The following VGLL4 variants were observed in gnomAD, a reference collection of about 807,000 sequenced individuals.
VGLL4 encodes the protein transcription cofactor vestigial-like protein 4.
Under a neutral mutation model 21.0 loss-of-function variants are expected in VGLL4, and 7 were observed. The observed-to-expected ratio is 0.33, with a 90% CI of 0.19 to 0.63. The LOEUF (loss-of-function observed/expected upper bound fraction) is 0.63. Ranked by LOEUF, VGLL4 falls within the 20% of genes least tolerant of loss-of-function variation. The pLI is 0.78. For missense variants in VGLL4, 394 were observed against 425.7 expected, an observed-to-expected ratio of 0.93 and a Z score of 0.66; for synonymous variants, 222 against 173.2, an observed-to-expected ratio of 1.28 and a Z score of -2.21.
intron 2 of VGLL4, among the ~76,000 whole-genome samples, chr3:11,674,284 C>T (rs1559937922): frequency 6.6e-6 from 1 of 152,132 alleles, no homozygotes; most frequent in Non-Finnish European, 1.5e-5. Flanking sequence ...TGAGACACAG[C>T]ACATGGGAGA....
intron 1 of VGLL4, among the ~76,000 whole-genome samples, chr3:11,623,859 A>G (rs893709731): frequency 6.7e-6 from 1 of 148,870 alleles, no homozygotes; most frequent in African/African-American, 2.5e-5. Context: ...TCCCACCTCA[A>G]CCTCCCGAGC....
At chr3:11,608,185 G>C (rs984725403) in intron 1 of VGLL4, among the ~76,000 whole-genome samples, 1 of 152,104 alleles carries the variant, frequency 6.6e-6, no homozygotes, top group Admixed American at 6.5e-5. Flanking sequence ...GAGTAACCCC[G>C]TATTTTAAGC....
At chr3:11,701,193 ACGGTGATGAGTGAGTTCTC>A (rs1360187239) in intron 2 of VGLL4, among the ~76,000 whole-genome samples, 1 of 152,116 alleles carries the variant, frequency 6.6e-6, no homozygotes, top group African/African-American at 2.4e-5. Flanking sequence ...CATGAATGGC[ACGGTGATGAGTGAGTTCTC>A]ACTCTACTAG....
chr3:11,614,571 C>A (rs577766406), intron 1 of VGLL4, among the ~76,000 whole-genome samples: 2 of 152,354 alleles, frequency 1.3e-5, no homozygotes, highest in African/African-American at 2.4e-5. Context: ...GTAGCTGGGA[C>A]GAGACACATT....
At chr3:11,682,166 G>T (rs777111961) in intron 2 of VGLL4, among the ~76,000 whole-genome samples, 1 of 152,126 alleles carries the variant, frequency 6.6e-6, no homozygotes, top group Non-Finnish European at 1.5e-5. Context: ...CACTTTGGGA[G>T]GCTGAGGCAG....
intron 1 of VGLL4, among the ~76,000 whole-genome samples, chr3:11,606,666 T>C (rs1418934198): frequency 6.6e-6 from 1 of 152,092 alleles, no homozygotes; most frequent in Non-Finnish European, 1.5e-5. Flanking sequence ...CAATCAACAC[T>C]CTGTAAAAAC....
Position 11,568,939 on chromosome 3 carries a change from C to A in VGLL4, c.273-3920G>T. ...AGGCGGGCACTTCCACTGCCAGCTG[C>A]CCACGGAGAGAAAGATGGAAAGAGG... On this transcript the variant is annotated intron_variant, in intron 2 of 4. Coordinates refer to ENST00000430365, the MANE Select transcript of VGLL4 (RefSeq NM_001128219.3). The surrounding 1 kb of genome is among the most constrained non-coding windows in gnomAD (Gnocchi z 5.9). The A allele has an allele frequency of 8.1e-7, 1 of 1,229,126 alleles. No homozygotes were observed. Among genetic ancestry groups the A allele is most frequent in the South Asian group, 2.0e-5 (1 of 50,312 alleles). The allele number at this position is 1,229,126 out of a possible 1,614,324, so 76.1% of individuals were successfully genotyped here.
At chr3:11,573,308 G>A (rs12486430) in intron 2 of VGLL4, among the ~76,000 whole-genome samples, 1,388 of 22,530 alleles carry the variant, frequency 0.062, 168 homozygotes, top group East Asian at 0.098. Flanking sequence ...AGAAAGAAAG[G>A]AAGGAAGGAA....
At chr3:11,574,244 ATAT>A (rs1359976317) in intron 2 of VGLL4, among the ~76,000 whole-genome samples, 5 of 152,112 alleles carry the variant, frequency 3.3e-5, no homozygotes, top group Non-Finnish European at 5.9e-5. Flanking sequence ...ACGGCTTTAG[ATAT>A]TTGCCACACC....
At chr3:11,680,680 C>T (rs1442574008) in intron 2 of VGLL4, among the ~76,000 whole-genome samples, 1 of 152,190 alleles carries the variant, frequency 6.6e-6, no homozygotes, top group Non-Finnish European at 1.5e-5. Flanking sequence ...CGACTCACTC[C>T]AGACAGTCCA....
chr3:11,637,369 T>TGGATTTG (rs77162849), intron 1 of VGLL4, among the ~76,000 whole-genome samples: 27,240 of 152,028 alleles, frequency 0.18, 2,640 homozygotes, highest in South Asian at 0.26. Flanking sequence ...AATAACAGAA[T>TGGATTTG]GGATAACAAA....
chr3:11,632,712 C>T (rs1252100920), intron 1 of VGLL4, among the ~76,000 whole-genome samples: 1 of 152,196 alleles, frequency 6.6e-6, no homozygotes, highest in Non-Finnish European at 1.5e-5. Context: ...AGACATCAAC[C>T]TGGCATAAGA....
intron 1 of VGLL4, among the ~76,000 whole-genome samples, chr3:11,620,274 T>C (rs1291830095): frequency 1.3e-5 from 2 of 152,176 alleles, no homozygotes; most frequent in African/African-American, 4.8e-5. Flanking sequence ...CCCCAGGGAC[T>C]ATGTTTCCAA....
intron 1 of VGLL4, among the ~76,000 whole-genome samples, chr3:11,623,414 T>C (rs931486188): frequency 2.0e-5 from 3 of 152,158 alleles, no homozygotes; most frequent in African/African-American, 7.2e-5. Context: ...AGCCCGCTTA[T>C]AGGAGAAGCT....
intron 1 of VGLL4, among the ~76,000 whole-genome samples, chr3:11,704,708 C>G (rs2076735058): frequency 6.6e-6 from 1 of 152,210 alleles, no homozygotes; most frequent in South Asian, 2.1e-4. Context: ...ATTTTCCTCC[C>G]CGTGCCTTTA....
At chr3:11,601,220 A>G (rs12633581) in intron 2 of VGLL4, among the ~76,000 whole-genome samples, 142,662 of 152,288 alleles carry the variant, frequency 0.94, 66,956 homozygotes, top group African/African-American at 0.95. Flanking sequence ...GAAGCAATTC[A>G]TGTCAAGAAG....
At position 11,568,993 on chromosome 3, in the gene VGLL4, A is replaced by G; in HGVS notation, c.273-3974T>C. 9.2e-7 allele frequency: 1 copy of G among 1,088,788 alleles called. No individual in the cohort carries two copies. The allele number at this position is 1,088,788 out of a possible 1,614,324, so 67.4% of individuals were successfully genotyped here. A position where few individuals can be genotyped will look rare whatever the true frequency, so the allele number is the denominator to read the frequency against. On this transcript the variant is annotated intron_variant, in intron 2 of 4. Transcript: ENST00000430365. The surrounding 1 kb of genome is among the most constrained non-coding windows in gnomAD (Gnocchi z 5.9). ...GAGGGAAAGAGAGGCCTACAACACCATCATCCAGGACAGAGCTTTCTGAGT... is the reference window on the plus strand; with the variant it reads ...GAGGGAAAGAGAGGCCTACAACACCGTCATCCAGGACAGAGCTTTCTGAGT...
intron 2 of VGLL4, among the ~76,000 whole-genome samples, chr3:11,699,974 T>C (rs2076657418): frequency 6.6e-6 from 1 of 152,192 alleles, no homozygotes; most frequent in East Asian, 1.9e-4. Context: ...TATCGTTTTG[T>C]TTCTCCGAAA....
Position 11,556,749 on chromosome 3 carries a change from C to T in VGLL4, c.*1807G>A, listed in dbSNP as rs754690019. 2.0e-5 allele frequency: 3 copies of T among 152,682 alleles called. No homozygotes were observed. Among genetic ancestry groups the T allele is most frequent in the Admixed American group, 6.5e-5 (1 of 15,288 alleles). 9.5% of individuals were successfully genotyped at this position (152,682 alleles called of 1,614,324 possible). On this transcript the variant is annotated 3_prime_UTR_variant, in exon 5 of 5. Coordinates refer to ENST00000430365, the MANE Select transcript of VGLL4 (RefSeq NM_001128219.3). ...TTCTCTGTACATTCTTTACGCACAG[C>T]GTAACGATGGTCTCAAAATCACCCA...
Sources: gnomAD v4.1 joint callset for allele counts (sites outside exome capture counted in the v4.1 genomes callset) on GRCh38, gnomAD v4.1.1 for gene constraint, Gnocchi (gnomAD v3.1) non-coding constraint, MANE v1.5 for transcripts, NCBI Gene and HGNC (gene_info 2026-07-23, HGNC 2026-07-21) for gene names.